The following ACOT7 variants were observed in gnomAD, a reference collection of about 807,000 sequenced individuals.
The protein encoded by ACOT7 is cytosolic acyl coenzyme A thioester hydrolase.
ACOT7 carries 12 observed loss-of-function variants against 40.2 expected under a neutral mutation model. The observed-to-expected ratio is 0.30, with a 90% CI of 0.19 to 0.48. The LOEUF is 0.48. Among genes scored for constraint, ACOT7 ranks in the 20% least tolerant of loss-of-function variants. The pLI is 0.99. For synonymous variants in ACOT7, 228 were observed against 219.5 expected, an observed-to-expected ratio of 1.04 and a Z score of -0.34; for missense variants, 395 against 530.8, an observed-to-expected ratio of 0.74 and a Z score of 2.51.
rs1352475465 is a variant in ACOT7, at chr1:6,301,017, C to A, written c.713-6037G>T. ...CCAGAGGCAATGCCATGTTGCCTCC[C>A]CATCCTGTCCTGTGACATCGAGTCC... On this transcript the variant is annotated intron_variant, in intron 6 of 8. Coordinates refer to ENST00000361521, the MANE Select transcript of ACOT7 (RefSeq NM_007274.4). The surrounding 1 kb of genome is among the most constrained non-coding windows in gnomAD (Gnocchi z 4.1). 1.3e-5 allele frequency among the ~76,000 whole-genome samples: 2 copies of A among 152,218 alleles called. No homozygotes were observed. The highest frequency in any genetic ancestry group is 4.8e-5 in the African/African-American group (2 of 41,456).
rs1641727960 is a variant in ACOT7, at chr1:6,355,823, G to T, written c.144-5957C>A. On this transcript the variant is annotated intron_variant, in intron 1 of 8. Coordinates refer to ENST00000361521, the MANE Select transcript of ACOT7 (RefSeq NM_007274.4). The surrounding 1 kb of genome is among the most constrained non-coding windows in gnomAD (Gnocchi z 5.0). ...CCCACATCCTCGCAGGACAGCCCGA[G>T]CCTGTTCCGCAGCGGGAGTGAGGCG... Among the ~76,000 whole-genome samples the T allele has an allele frequency of 1.3e-5, 2 of 152,152 alleles. No individual in the cohort carries two copies.
In ACOT7 at chr1:6,287,042, T is replaced by C. The variant is rs190994674; in HGVS notation, c.830-5756A>G. Among the ~76,000 whole-genome samples the C allele has an allele frequency of 4.5e-3, 681 of 152,356 alleles. 5 individuals are homozygous for C. The highest frequency in any genetic ancestry group is 0.016 in the African/African-American group (651 of 41,582). ...ACCTCGTGATCTGCCTGCCTCGGCCTCCCAAAGTGCTGGGATAACAGGCAT... is the reference window on the plus strand; with the variant it reads ...ACCTCGTGATCTGCCTGCCTCGGCCCCCCAAAGTGCTGGGATAACAGGCAT... On this transcript the variant is annotated intron_variant, in intron 7 of 8. Transcript: ENST00000361521.
intron 8 of ACOT7, among the ~76,000 whole-genome samples, chr1:6,265,636 G>C (rs1638829594): frequency 6.6e-6 from 1 of 152,168 alleles, no homozygotes; most frequent in Non-Finnish European, 1.5e-5. Context: ...CCCCTGGGCA[G>C]GTGCCACCCC....
intron 8 of ACOT7, among the ~76,000 whole-genome samples, chr1:6,277,560 C>T (rs902126919): frequency 6.6e-6 from 1 of 152,242 alleles, no homozygotes; most frequent in Admixed American, 6.5e-5. Flanking sequence ...CGGGTGGCCT[C>T]GGGTGTGTCA....
intron 7 of ACOT7, 106 bp from the exon 8 acceptor site, chr1:6,281,392 AGTGGC>A (rs758387515): frequency 3.1e-6 from 3 of 971,410 alleles, no homozygotes; most frequent in Non-Finnish European, 4.8e-6. Flanking sequence ...TAGGGGAAGC[AGTGGC>A]TTGGCTGACT....
chr1:6,351,695 G>C (rs1641596204), intron 1 of ACOT7, among the ~76,000 whole-genome samples: 1 of 152,256 alleles, frequency 6.6e-6, no homozygotes, highest in Non-Finnish European at 1.5e-5. Context: ...AGCAGAGCCA[G>C]CCTCCAGAGC....
intron 8 of ACOT7, among the ~76,000 whole-genome samples, chr1:6,273,531 G>A (rs1275940186): frequency 6.6e-6 from 1 of 152,198 alleles, no homozygotes. Flanking sequence ...CTGTGGGCTG[G>A]CAGCAAGGTG....
chr1:6,328,385 G>A (rs1640863604), intron 4 of ACOT7, among the ~76,000 whole-genome samples: 2 of 152,166 alleles, frequency 1.3e-5, no homozygotes, highest in African/African-American at 2.4e-5. Context: ...CACAGGCCGG[G>A]CATGGTGGCT....
intron 8 of ACOT7, among the ~76,000 whole-genome samples, chr1:6,276,704 G>A (rs575861527): frequency 9.9e-5 from 15 of 152,158 alleles, no homozygotes; most frequent in African/African-American, 3.1e-4. Context: ...CCCAGAACTC[G>A]TGCTCATGTG....
At chr1:6,382,212 T>C (rs2148480747) in intron 1 of ACOT7, among the ~76,000 whole-genome samples, 1 of 151,386 alleles carries the variant, frequency 6.6e-6, no homozygotes, top group East Asian at 1.9e-4. Context: ...AAGACCATTC[T>C]AGCCAACATG....
chr1:6,279,452 G>A (rs1411879148), intron 8 of ACOT7, among the ~76,000 whole-genome samples: 1 of 152,222 alleles, frequency 6.6e-6, no homozygotes, highest in Non-Finnish European at 1.5e-5. Context: ...AGGCTGTGGG[G>A]CTGAAGGCAT....
chr1:6,317,732 T>C (rs933919444), intron 6 of ACOT7, among the ~76,000 whole-genome samples: 5 of 151,102 alleles, frequency 3.3e-5, no homozygotes, highest in South Asian at 2.1e-4. Context: ...GTCTTTCTTT[T>C]TTTTTTTTTT....
In ACOT7 at chr1:6,288,831, CAA is replaced by C. The variant is rs375009170; in HGVS notation, c.829+6031_829+6032del. On this transcript the variant is annotated intron_variant, in intron 7 of 8. Coordinates refer to ENST00000361521, the MANE Select transcript of ACOT7 (RefSeq NM_007274.4). This position sits in a 1 kb window ranked among gnomAD's most constrained non-coding sequence, Gnocchi z 4.3. ...GCACACACCCTTCGTGGCTGAAACT[CAA>C]AGTTATCTTCTGAACCCCTGGGCCA... 3.3e-5 allele frequency among the ~76,000 whole-genome samples: 5 copies of C among 152,208 alleles called. No individual in the cohort carries two copies. The highest frequency in any genetic ancestry group is 2.1e-4 in the South Asian group (1 of 4,830).
intron 1 of ACOT7, among the ~76,000 whole-genome samples, chr1:6,365,338 G>GC (rs1228497414): frequency 6.6e-6 from 1 of 152,074 alleles, no homozygotes; most frequent in Non-Finnish European, 1.5e-5. Flanking sequence ...CCAGATCACC[G>GC]CAACAAAGCA....
At chr1:6,273,956 T>C (rs1441757759) in intron 8 of ACOT7, among the ~76,000 whole-genome samples, 14 of 152,206 alleles carry the variant, frequency 9.2e-5, no homozygotes, top group Non-Finnish European at 2.1e-4. Context: ...GGGGACCTCT[T>C]TCTCTGTCCT....
At chr1:6,332,467 C>G (rs796313977) in intron 4 of ACOT7, among the ~76,000 whole-genome samples, 70 of 152,344 alleles carry the variant, frequency 4.6e-4, no homozygotes, top group African/African-American at 1.7e-3. Context: ...ACAGGCTTCG[C>G]CCACAGGCCC....
At chr1:6,305,684 A>G (rs1640126693) in intron 6 of ACOT7, among the ~76,000 whole-genome samples, 2 of 150,770 alleles carry the variant, frequency 1.3e-5, no homozygotes, top group Non-Finnish European at 1.5e-5. Flanking sequence ...GGCCGGGCAG[A>G]GACGCTCCTC....
rs1028002365 is a variant in ACOT7, at chr1:6,379,473, T to C, written c.143+13784A>G. Among the ~76,000 whole-genome samples, 11 of 151,866 alleles carry C rather than the reference T, an allele frequency of 7.2e-5. No homozygotes were observed. The South Asian group carries it at 2.1e-3, about 29-fold the overall frequency. ...AGCTAAAGCTATGTAACTTTTTTTT[T>C]TTGAGACAGGGTCTCACTCCGTCAC... On this transcript the variant is annotated intron_variant, in intron 1 of 8. Transcript: ENST00000361521.
Position 6,333,584 on chromosome 1 carries a change from T to TCA in ACOT7, c.419-18_419-17dup, listed in dbSNP as rs749278899. 3 of 1,613,502 alleles carry TCA rather than the reference T, an allele frequency of 1.9e-6. No individual in the cohort carries two copies. The highest frequency in any genetic ancestry group is 2.5e-6 in the Non-Finnish European group (3 of 1,179,534). On this transcript the variant is annotated splice_polypyrimidine_tract_variant and intron_variant, in intron 3 of 8. Transcript: ENST00000361521. ...TTTTTGGCACCTTAAGAGAAGAAAA[T>TCA]CACATTAAGTGACGCCCGGGAGACG...
Sources: gnomAD v4.1 joint callset for allele counts (sites outside exome capture counted in the v4.1 genomes callset) on GRCh38, gnomAD v4.1.1 for gene constraint, Gnocchi (gnomAD v3.1) non-coding constraint, MANE v1.5 for transcripts, NCBI Gene and HGNC (gene_info 2026-07-23, HGNC 2026-07-21) for gene names.